The following SPMIP8 variants were observed in gnomAD, a reference collection of about 807,000 sequenced individuals.
The protein encoded by SPMIP8 is sperm microtubule inner protein 8, also known as testicular tissue protein Li 196.
At chr16:57,984,078 A>C in the SPMIP8 span, among the ~76,000 whole-genome samples, 1 of 151,306 alleles carries the variant, frequency 6.6e-6, no homozygotes, top group Admixed American at 6.6e-5. Flanking sequence ...TAATTTTTGC[A>C]TTTTTAGTAG....
chr16:57,984,240 C>A, the SPMIP8 span: 873 of 1,566,580 alleles, frequency 5.6e-4, 8 homozygotes, highest in African/African-American at 0.01. Context: ...GGCCAAAGTT[C>A]TCCTATGACC....
the SPMIP8 span, chr16:57,985,564 C>G: frequency 1.3e-6 from 2 of 1,579,882 alleles, no homozygotes; most frequent in East Asian, 4.5e-5. Flanking sequence ...ACGCCACGCG[C>G]CCGGGGACCC....
the SPMIP8 span, chr16:57,986,064 G>T: frequency 7.8e-7 from 1 of 1,275,578 alleles, no homozygotes; most frequent in Non-Finnish European, 1.1e-6. Flanking sequence ...GAGGAGGAGG[G>T]GCCCTCCTGG....
the SPMIP8 span, chr16:57,984,875 T>TGGACTGCGGACGGGAACGC: frequency 6.6e-7 from 1 of 1,505,620 alleles, no homozygotes; most frequent in Middle Eastern, 2.1e-4. Flanking sequence ...GCAGGGAACG[T>TGGACTGCGGACGGGAACGC]GGACTGCGGA....
chr16:57,984,902 G>A, the SPMIP8 span: 2 of 1,451,966 alleles, frequency 1.4e-6, no homozygotes, highest in Admixed American at 2.6e-5. Flanking sequence ...CGCAGGCGGC[G>A]GGCCAGGCAG....
the SPMIP8 span, chr16:57,987,501 T>C: frequency 5.3e-6 from 8 of 1,498,606 alleles, no homozygotes; most frequent in South Asian, 3.8e-5. Context: ...AGAGGACTTA[T>C]GGTGGCACCA....
chr16:57,977,560 A>AGAGTGTGTGTGTGT, the SPMIP8 span, among the ~76,000 whole-genome samples: 7 of 132,642 alleles, frequency 5.3e-5, no homozygotes, highest in African/African-American at 2.3e-4. Context: ...GCACAATGTG[A>AGAGTGTGTGTGTGT]GTGTGTGTGT....
At chr16:57,985,878 T>C in the SPMIP8 span, 1 of 1,596,680 alleles carries the variant, frequency 6.3e-7, no homozygotes, top group Middle Eastern at 1.7e-4. Context: ...CCCCTTCCCA[T>C]CTCGTGCTCA....
At chr16:57,984,588 G>T in the SPMIP8 span, 5 of 1,507,770 alleles carry the variant, frequency 3.3e-6, no homozygotes. Context: ...GCTTCCCTAG[G>T]CTCCTGCGGC....
At chr16:57,982,959 G>A in the SPMIP8 span, among the ~76,000 whole-genome samples, 3 of 152,270 alleles carry the variant, frequency 2.0e-5, no homozygotes, top group East Asian at 5.8e-4. Flanking sequence ...GAACCTGGGT[G>A]GCGGAGGTTG....
the SPMIP8 span, among the ~76,000 whole-genome samples, chr16:57,981,431 T>TATTATAATA: frequency 8.1e-4 from 108 of 133,122 alleles, no homozygotes; most frequent in Admixed American, 1.6e-3. Context: ...TTATTATTAT[T>TATTATAATA]ATAATTTGGT....
chr16:57,987,809 C>T, the SPMIP8 span: 4 of 207,702 alleles, frequency 1.9e-5, no homozygotes, highest in Admixed American at 5.9e-5. Context: ...CACACCCAAG[C>T]CCCCTCCATT....
At chr16:57,987,288 C>G in the SPMIP8 span, 1 of 1,208,722 alleles carries the variant, frequency 8.3e-7, no homozygotes, top group East Asian at 3.1e-5. Context: ...TCCTGAGCCA[C>G]ATAGAGGCTG....
the SPMIP8 span, among the ~76,000 whole-genome samples, chr16:57,982,445 C>T: frequency 6.6e-6 from 1 of 152,218 alleles, no homozygotes; most frequent in South Asian, 2.1e-4. Flanking sequence ...GTGTTGTAGA[C>T]AGTCCCATAT....
At chr16:57,981,855 G>C in the SPMIP8 span, among the ~76,000 whole-genome samples, 23 of 152,006 alleles carry the variant, frequency 1.5e-4, no homozygotes, top group Non-Finnish European at 2.6e-4. Flanking sequence ...TGTCTAAACC[G>C]CAAAAAGGCA....
chr16:57,987,097 G>C, the SPMIP8 span: 23 of 353,050 alleles, frequency 6.5e-5, no homozygotes, highest in African/African-American at 4.8e-4. Flanking sequence ...AAACGTTTCT[G>C]GGTTTTGCTA....
chr16:57,977,596 T>TGTGTGG, the SPMIP8 span, among the ~76,000 whole-genome samples: 1 of 149,164 alleles, frequency 6.7e-6, no homozygotes, highest in Non-Finnish European at 1.5e-5. Context: ...TATGTGTGTG[T>TGTGTGG]TGGAAGGGGA....
At chr16:57,985,261 C>G in the SPMIP8 span, 1 of 1,559,020 alleles carries the variant, frequency 6.4e-7, no homozygotes, top group Non-Finnish European at 8.7e-7. Flanking sequence ...TGACCCAGAC[C>G]TGGCGGGTAG....
At chr16:57,985,003 G>A in the SPMIP8 span, among the ~76,000 whole-genome samples, 1 of 152,186 alleles carries the variant, frequency 6.6e-6, no homozygotes, top group African/African-American at 2.4e-5. Context: ...GACTGCCCTT[G>A]GGGAGGGGGC....
Sources: gnomAD v4.1 joint callset for allele counts (sites outside exome capture counted in the v4.1 genomes callset) on GRCh38, gnomAD v4.1.1 for gene constraint, MANE v1.5 for transcripts, NCBI Gene and HGNC (gene_info 2026-07-23, HGNC 2026-07-21) for gene names.